Variants in STK3 observed in about 807,000 individuals in gnomAD.
STK3 encodes the protein serine/threonine kinase 3, also known as serine/threonine-protein kinase 3.
In STK3, 41 loss-of-function variants were observed where a neutral mutation model predicts 58.0. The observed-to-expected ratio is 0.71, with a 90% confidence interval of 0.55 to 0.92. STK3 has a LOEUF of 0.92. Among genes scored for constraint, STK3 ranks in the 40% least tolerant of loss-of-function variants. STK3 has a pLI of 0.00. For synonymous variants in STK3, 170 were observed against 191.0 expected (o/e 0.89, Z 0.91); for missense variants, 479 against 602.7 (o/e 0.79, Z 2.15).
downstream of STK3, among the ~76,000 whole-genome samples, chr8:98,367,617 G>T (rs910253843): frequency 6.6e-6 from 1 of 152,192 alleles, no homozygotes; most frequent in African/African-American, 2.4e-5. Context: ...GCTGGAGCGG[G>T]GTTTCTTCCT....
chr8:98,393,021 A>C (rs1389879926), upstream of STK3, among the ~76,000 whole-genome samples: 1 of 152,038 alleles, frequency 6.6e-6, no homozygotes, highest in South Asian at 2.1e-4. Flanking sequence ...GATTGCAGCC[A>C]TTTCTCTCTG....
At chr8:98,519,539 C>T (rs1021582473) in intron 10 of STK3, among the ~76,000 whole-genome samples, 4 of 152,260 alleles carry the variant, frequency 2.6e-5, no homozygotes, top group African/African-American at 9.6e-5. Context: ...GCTCCAGCAG[C>T]AGGGTTGGTA....
At chr8:98,602,134 T>G (rs967771828) in intron 6 of STK3, 1 of 152,238 alleles carries the variant, frequency 6.6e-6, no homozygotes, top group African/African-American at 2.4e-5. Flanking sequence ...GTACTCTGAT[T>G]AGTTATAAAC....
chr8:98,361,239 A>T, the STK3 span, among the ~76,000 whole-genome samples: 3 of 152,148 alleles, frequency 2.0e-5, no homozygotes, highest in Non-Finnish European at 4.4e-5. Context: ...TAAGGCCCAC[A>T]CACTCTGCAG....
chr8:98,838,763 A>G (rs1306294297), intron 3 of STK3, among the ~76,000 whole-genome samples: 1 of 152,116 alleles, frequency 6.6e-6, no homozygotes, highest in Non-Finnish European at 1.5e-5. Context: ...CTTTTTCCCT[A>G]AAGTTTTCCT....
intron 6 of STK3, among the ~76,000 whole-genome samples, chr8:98,698,305 G>C (rs1825183018): frequency 6.6e-6 from 1 of 151,694 alleles, no homozygotes; most frequent in African/African-American, 2.4e-5. Context: ...GATGGGTCTT[G>C]ACTCTTTATC....
chr8:98,463,846 A>G (rs1360152135), intron 10 of STK3, among the ~76,000 whole-genome samples: 2 of 152,184 alleles, frequency 1.3e-5, no homozygotes, highest in Non-Finnish European at 2.9e-5. Context: ...GAATACATCA[A>G]TGTAATAACA....
At chr8:98,631,115 G>A (rs1220602680) in intron 6 of STK3, among the ~76,000 whole-genome samples, 1 of 152,054 alleles carries the variant, frequency 6.6e-6, no homozygotes, top group Non-Finnish European at 1.5e-5. Flanking sequence ...CCCTGGTTCA[G>A]GCCGCCATTA....
chr8:98,375,323 A>G (rs1817663535), intron 2 of STK3, among the ~76,000 whole-genome samples: 1 of 152,150 alleles, frequency 6.6e-6, no homozygotes. Flanking sequence ...CAATAAGACA[A>G]GAAAAAGAAA....
chr8:98,807,626 A>G (rs1256386943), intron 1 of STK3, among the ~76,000 whole-genome samples: 1 of 152,236 alleles, frequency 6.6e-6, no homozygotes, highest in African/African-American at 2.4e-5. Context: ...CCAAGTCTCA[A>G]AAGTATTTGT....
intron 10 of STK3, among the ~76,000 whole-genome samples, chr8:98,520,398 A>C (rs938397539): frequency 2.0e-5 from 3 of 152,202 alleles, no homozygotes; most frequent in Admixed American, 6.5e-5. Flanking sequence ...ACGATTTAAA[A>C]GGAAGTACAC....
At chr8:98,555,435 T>C (rs1380699186) in intron 8 of STK3, among the ~76,000 whole-genome samples, 1 of 152,184 alleles carries the variant, frequency 6.6e-6, no homozygotes, top group African/African-American at 2.4e-5. Flanking sequence ...TTAGGATACC[T>C]GTTTAGTGAG....
At chr8:98,721,834 A>G (rs1363369986) in intron 4 of STK3, among the ~76,000 whole-genome samples, 1 of 152,170 alleles carries the variant, frequency 6.6e-6, no homozygotes, top group Non-Finnish European at 1.5e-5. Flanking sequence ...AGAGTGTAAA[A>G]GTGACATAAG....
intron 1 of STK3, among the ~76,000 whole-genome samples, chr8:98,894,295 A>G (rs1468727493): frequency 2.0e-5 from 3 of 152,206 alleles, no homozygotes; most frequent in African/African-American, 7.2e-5. Context: ...TGGACAGCTC[A>G]TCAATCAATT....
chr8:98,630,634 CAGAAGA>C (rs1255194036), intron 6 of STK3, among the ~76,000 whole-genome samples: 2 of 146,300 alleles, frequency 1.4e-5, no homozygotes, highest in African/African-American at 2.6e-5. Flanking sequence ...CAGAGAGGAA[CAGAAGA>C]AGAAGGAGAA....
chr8:98,347,477 T>C, the STK3 span, among the ~76,000 whole-genome samples: 1 of 150,644 alleles, frequency 6.6e-6, no homozygotes, highest in South Asian at 2.1e-4. Flanking sequence ...ATTGCGCCAC[T>C]GCACTCCCGC....
chr8:98,435,292 C>T (rs1191813863), intron 2 of STK3, among the ~76,000 whole-genome samples: 1 of 152,200 alleles, frequency 6.6e-6, no homozygotes, highest in Non-Finnish European at 1.5e-5. Flanking sequence ...CCTCCAGTAA[C>T]AGGGACCTGC....
chr8:98,824,309 C>A (rs1324121444), intron 1 of STK3, among the ~76,000 whole-genome samples: 1 of 152,200 alleles, frequency 6.6e-6, no homozygotes, highest in Non-Finnish European at 1.5e-5. Flanking sequence ...CTAATGTCTC[C>A]ACAAGGGCAA....
chr8:98,407,714 ATGTGTGTGTGTGTGTG>A lies in STK3; in HGVS notation n.484-6217_484-6202del, dbSNP rs6150725. On this transcript the variant is annotated intron_variant and non_coding_transcript_variant, in intron 3 of 3. Coordinates refer to the STK3 transcript ENST00000517832. ...CCTTCTAGCCCACTCAGATGAGTGC[ATGTGTGTGTGTGTGTG>A]TGTGTGTGTGTGTGTGTGTGTGTGT... 1.4e-3 allele frequency among the ~76,000 whole-genome samples: 190 copies of A among 137,158 alleles called. 1 individual carries two copies. The highest frequency in any genetic ancestry group is 6.6e-3 in the Admixed American group (96 of 14,498). 90.0% of individuals were successfully genotyped at this position (137,158 alleles called of 152,430 possible). A position where few individuals can be genotyped will look rare whatever the true frequency, so the allele number is the denominator to read the frequency against.
Sources: allele counts gnomAD v4.1 joint callset (sites outside exome capture counted in the v4.1 genomes callset), GRCh38; gene constraint gnomAD v4.1.1; transcripts MANE v1.5; gene names NCBI Gene and HGNC (gene_info 2026-07-23, HGNC 2026-07-21).